TGFBR3: variants seen among roughly 807,000 people sequenced by gnomAD.
TGFBR3 encodes transforming growth factor beta receptor 3, also known as transforming growth factor beta receptor type 3.
In TGFBR3, 46 loss-of-function variants were observed where a neutral mutation model predicts 87.9. That is an observed-to-expected ratio of 0.52 (90% CI 0.41 to 0.67). TGFBR3 has a LOEUF of 0.67. Among genes scored for constraint, TGFBR3 ranks in the 30% least tolerant of loss-of-function variants. The probability of loss-of-function intolerance (pLI) is 0.00; values close to 1 mark genes in which losing one functional copy is unlikely to be tolerated. For synonymous variants in TGFBR3, 381 were observed against 391.6 expected, an observed-to-expected ratio of 0.97 and a Z score of 0.32; for missense variants, 866 against 1,041.9, an observed-to-expected ratio of 0.83 and a Z score of 2.32.
chr1:91,708,637 C>T (rs1671880744), intron 14 of TGFBR3, 26 bp downstream of exon 14: 3 of 1,613,716 alleles, frequency 1.9e-6, no homozygotes, highest in African/African-American at 1.3e-5. Flanking sequence ...AGGCCCCATG[C>T]TCTGATCGTG....
At chr1:91,755,455 C>T (rs907138156) in intron 4 of TGFBR3, among the ~76,000 whole-genome samples, 2 of 152,098 alleles carry the variant, frequency 1.3e-5, no homozygotes, top group Admixed American at 6.6e-5. Flanking sequence ...GGAAAAAAAC[C>T]GTTTTCCCTA....
chr1:91,769,355 C>G (rs1281348947), intron 3 of TGFBR3, among the ~76,000 whole-genome samples: 1 of 152,136 alleles, frequency 6.6e-6, no homozygotes, highest in Non-Finnish European at 1.5e-5. Context: ...TCCTCATAGT[C>G]CTCTAAACAT....
intron 2 of TGFBR3, among the ~76,000 whole-genome samples, chr1:91,896,889 C>T (rs1679563101): frequency 6.7e-6 from 1 of 149,552 alleles, no homozygotes; most frequent in Admixed American, 6.7e-5. Context: ...TTAATGTACA[C>T]ATCCCCTACT....
At chr1:91,728,087 T>C (rs1557679756) in intron 6 of TGFBR3, among the ~76,000 whole-genome samples, 1 of 152,354 alleles carries the variant, frequency 6.6e-6, no homozygotes, top group African/African-American at 2.4e-5. Flanking sequence ...CTGTTTGAAG[T>C]GGACTTGAAC....
At chr1:91,761,236 GAGA>G (rs1673950452) in intron 3 of TGFBR3, among the ~76,000 whole-genome samples, 2 of 152,178 alleles carry the variant, frequency 1.3e-5, no homozygotes, top group African/African-American at 4.8e-5. Flanking sequence ...CTCATGAAAT[GAGA>G]AGAAAAAGAT....
intron 16 of TGFBR3, among the ~76,000 whole-genome samples, chr1:91,686,517 C>G (rs1298778187): frequency 6.6e-6 from 1 of 152,190 alleles, no homozygotes. Flanking sequence ...TCAGACCATC[C>G]TTTCCAGTTC....
intron 4 of TGFBR3, among the ~76,000 whole-genome samples, chr1:91,739,899 G>T (rs1179623504): frequency 6.6e-6 from 1 of 152,158 alleles, no homozygotes; most frequent in African/African-American, 2.4e-5. Flanking sequence ...GGAAGAGAGG[G>T]AGTGGGTAGG....
chr1:91,842,848 A>C (rs1677339708), intron 2 of TGFBR3, among the ~76,000 whole-genome samples: 1 of 152,214 alleles, frequency 6.6e-6, no homozygotes, highest in South Asian at 2.1e-4. Context: ...TAAGGCAACA[A>C]AAGCTCTGCA....
intron 3 of TGFBR3, among the ~76,000 whole-genome samples, chr1:91,796,959 A>G (rs1675410283): frequency 6.6e-6 from 1 of 151,592 alleles, no homozygotes; most frequent in South Asian, 2.1e-4. Flanking sequence ...TGAACTCCTG[A>G]GCTCATGCGA....
At chr1:91,826,549 C>T (rs1345024837) in intron 2 of TGFBR3, among the ~76,000 whole-genome samples, 1 of 152,060 alleles carries the variant, frequency 6.6e-6, no homozygotes, top group Non-Finnish European at 1.5e-5. Context: ...GGGAAAGAAC[C>T]TCTCTCGCTC....
chr1:91,769,746 G>A (rs1288116925), intron 3 of TGFBR3, among the ~76,000 whole-genome samples: 4 of 151,798 alleles, frequency 2.6e-5, no homozygotes, highest in East Asian at 1.9e-4. Context: ...GAACAAGCTC[G>A]GTGAAGACCT....
Position 91,801,240 on chromosome 1 carries a change from A to AGTT in TGFBR3, c.62-3770_62-3769insAAC, listed in dbSNP as rs757114689. Among the ~76,000 whole-genome samples, 444 of 152,296 alleles carry AGTT rather than the reference A, an allele frequency of 2.9e-3. 3 individuals are homozygous for AGTT. The highest frequency in any genetic ancestry group is 3.1e-3 in the Non-Finnish European group (212 of 68,020). ...CAAAGTAAGCTCAATGTGCTTAAGT[A>AGTT]ACTGTTTCAAGGTTGCCCCAGTCAC... On this transcript the variant is annotated intron_variant, in intron 2 of 16. Coordinates refer to ENST00000212355, the MANE Select transcript of TGFBR3 (RefSeq NM_003243.5).
intron 2 of TGFBR3, among the ~76,000 whole-genome samples, chr1:91,814,654 T>A (rs993619425): frequency 6.6e-6 from 1 of 152,138 alleles, no homozygotes. Context: ...ATAAACCCCT[T>A]CAAACAGGCC....
At chr1:91,686,317 C>T (rs151041496) in intron 16 of TGFBR3, among the ~76,000 whole-genome samples, 54 of 152,302 alleles carry the variant, frequency 3.5e-4, no homozygotes, top group African/African-American at 1.2e-3. Context: ...AACTCTTGTT[C>T]TGGTAATGCA....
chr1:91,849,544 A>C (rs1290172254), intron 2 of TGFBR3, among the ~76,000 whole-genome samples: 1 of 152,080 alleles, frequency 6.6e-6, no homozygotes, highest in Non-Finnish European at 1.5e-5. Context: ...CTTACTTCAA[A>C]TTGCAATCCC....
intron 6 of TGFBR3, among the ~76,000 whole-genome samples, chr1:91,729,198 A>ACAC (rs1672669834): frequency 1.0e-5 from 1 of 96,838 alleles, no homozygotes; most frequent in African/African-American, 3.5e-5. Flanking sequence ...CACACACACC[A>ACAC]AGCACACAAG....
At chr1:91,862,850 G>A (rs770618420) in intron 1 of TGFBR3, among the ~76,000 whole-genome samples, 1 of 152,182 alleles carries the variant, frequency 6.6e-6, no homozygotes, top group Non-Finnish European at 1.5e-5. Flanking sequence ...TCACACACCT[G>A]GGGGTTGTGG....
intron 1 of TGFBR3, among the ~76,000 whole-genome samples, chr1:91,874,330 G>T (rs1028962287): frequency 2.0e-5 from 3 of 152,148 alleles, no homozygotes; most frequent in Admixed American, 2.0e-4. Flanking sequence ...CGTATCTGGC[G>T]TGCTCAGGGA....
intron 2 of TGFBR3, among the ~76,000 whole-genome samples, chr1:91,855,994 A>C (rs1320727046): frequency 6.6e-6 from 1 of 151,976 alleles, no homozygotes; most frequent in African/African-American, 2.4e-5. Context: ...GTTCACCAAG[A>C]GCACAGTCCA....
Sources: allele counts gnomAD v4.1 joint callset (sites outside exome capture counted in the v4.1 genomes callset), GRCh38; gene constraint gnomAD v4.1.1; transcripts MANE v1.5; gene names NCBI Gene and HGNC (gene_info 2026-07-23, HGNC 2026-07-21).